The following USH2A variants were observed in gnomAD, a reference collection of about 807,000 sequenced individuals.
USH2A encodes Usher syndrome 2A (autosomal recessive, mild).
USH2A carries 443 observed loss-of-function variants against 538.9 expected under a neutral mutation model. The ratio of observed to expected loss-of-function variants is 0.82; its 90% CI spans 0.76 to 0.89. The LOEUF (loss-of-function observed/expected upper bound fraction) is 0.89, where lower values mean the gene tolerates loss of function less well. USH2A is among the 40% of genes least tolerant of loss of function. USH2A has a pLI of 0.00. For synonymous variants in USH2A, 2,413 were observed against 2,273.5 expected, an observed-to-expected ratio of 1.06 and a Z score of -1.75; for missense variants, 6,633 against 6,324.8, an observed-to-expected ratio of 1.05 and a Z score of -1.65.
intron 30 of USH2A, among the ~76,000 whole-genome samples, chr1:216,066,388 C>T (rs2031370874): frequency 6.6e-6 from 1 of 152,060 alleles, no homozygotes; most frequent in Non-Finnish European, 1.5e-5. Flanking sequence ...ATGGCGTAAA[C>T]CTGGGAGGCG....
intron 21 of USH2A, among the ~76,000 whole-genome samples, chr1:216,154,949 TG>T (rs1027698718): frequency 4.2e-4 from 27 of 64,726 alleles, no homozygotes; most frequent in Admixed American, 7.5e-4. Flanking sequence ...ATAGCTGGGG[TG>T]GGGGTGGGTA....
At chr1:215,876,554 A>G (rs1279722526) in intron 43 of USH2A, among the ~76,000 whole-genome samples, 1 of 152,212 alleles carries the variant, frequency 6.6e-6, no homozygotes, top group African/African-American at 2.4e-5. Context: ...AACTGAAGAC[A>G]GAGTCACGAA....
In USH2A at chr1:215,758,769, A is replaced by C; in HGVS notation, c.11232-17T>G. The C allele has an allele frequency of 6.2e-7, 1 of 1,612,984 alleles. No homozygotes were observed. Among genetic ancestry groups the C allele is most frequent in the Non-Finnish European group, 8.5e-7 (1 of 1,179,552 alleles). On this transcript the variant is annotated splice_polypyrimidine_tract_variant and intron_variant, in intron 57 of 71. Coordinates refer to ENST00000307340, the MANE Select transcript of USH2A (RefSeq NM_206933.4). ...TAAGTGTATCTATATTTAAAAAGAA[A>C]GAAGAATTGTGGTAAGGCCATGCAC...
At chr1:215,936,804 C>G (rs1666511140) in intron 37 of USH2A, among the ~76,000 whole-genome samples, 3 of 152,024 alleles carry the variant, frequency 2.0e-5, no homozygotes, top group Admixed American at 2.0e-4. Context: ...CAGCACTAAT[C>G]TCATCCATTA....
At position 215,991,342 on chromosome 1, in the gene USH2A, G is replaced by T. The variant is rs532500244; in HGVS notation, c.6805+1678C>A. 2.4e-4 allele frequency among the ~76,000 whole-genome samples: 37 copies of T among 152,264 alleles called. 1 individual carries two copies. In the South Asian group the frequency reaches 6.8e-3, roughly 28 times the overall value. ...TTATTCTTTGGGTATTTGAGGAGAG[G>T]TGTGGGGACTTCGAAGACAGATGGA... On this transcript the variant is annotated intron_variant, in intron 35 of 71. Coordinates refer to ENST00000307340, the MANE Select transcript of USH2A (RefSeq NM_206933.4).
chr1:216,050,722 A>G (rs2030750019), intron 30 of USH2A, among the ~76,000 whole-genome samples: 1 of 148,992 alleles, frequency 6.7e-6, no homozygotes, highest in Admixed American at 6.7e-5. Flanking sequence ...CTCCTGCCTC[A>G]GCCTCCACAG....
Position 216,422,436 on chromosome 1 carries a change from G to A in USH2A, c.-100C>T, listed in dbSNP as rs1379523582. 1.3e-6 allele frequency: 2 copies of A among 1,536,490 alleles called. No homozygotes were observed. Among genetic ancestry groups the A allele is most frequent in the African/African-American group, 1.4e-5 (1 of 72,720 alleles). ...TACTTTGAAGCAGGGTACTTTAAGTGATGTTGCGATACTCCATTTTCTGGA... is the reference window on the plus strand; with the variant it reads ...TACTTTGAAGCAGGGTACTTTAAGTAATGTTGCGATACTCCATTTTCTGGA... On this transcript the variant is annotated 5_prime_UTR_variant, in exon 2 of 72. Transcript: ENST00000307340.
At chr1:216,043,833 C>G (rs2030400954) in intron 32 of USH2A, among the ~76,000 whole-genome samples, 1 of 152,074 alleles carries the variant, frequency 6.6e-6, no homozygotes. Flanking sequence ...TGCACCACTT[C>G]CCTGTGGACT....
rs71161422 is a variant in USH2A, at chr1:216,400,216, T to TTA, written c.651+18296_651+18297dup. On this transcript the variant is annotated intron_variant, in intron 3 of 71. Transcript: ENST00000307340. ...AGAAACCCCAGCATAGAAATAGAAG[T>TTA]TATATATATATATATATATATAAAA... is the stretch of plus-strand genomic sequence containing the variant. Among the ~76,000 whole-genome samples, 1,319 of 147,292 alleles carry TTA rather than the reference T, an allele frequency of 9.0e-3. 11 individuals carry two copies. The highest frequency in any genetic ancestry group is 0.018 in the Middle Eastern group (5 of 280).
intron 70 of USH2A, among the ~76,000 whole-genome samples, chr1:215,629,776 T>TTC (rs1553248340): frequency 1.1e-4 from 16 of 145,956 alleles, no homozygotes; most frequent in African/African-American, 3.8e-4. Flanking sequence ...TTCTTTTCTT[T>TTC]TTTTTTTTTT....
chr1:215,760,105 T>G lies in USH2A; in HGVS notation c.11048-262A>C, dbSNP rs113679327. ...GCCTTGGTTGTCACTCTGAGAGTATTTTAAATCAAGGCCTGAGAGATCATC... is the reference window on the plus strand; with the variant it reads ...GCCTTGGTTGTCACTCTGAGAGTATGTTAAATCAAGGCCTGAGAGATCATC... On this transcript the variant is annotated intron_variant, in intron 56 of 71. Transcript: ENST00000307340. 2.9e-3 allele frequency among the ~76,000 whole-genome samples: 446 copies of G among 152,326 alleles called. 1 individual carries two copies. The highest frequency in any genetic ancestry group is 0.01 in the African/African-American group (436 of 41,578).
intron 60 of USH2A, among the ~76,000 whole-genome samples, chr1:215,736,492 TAAGA>T (rs1424537450): frequency 6.6e-6 from 1 of 152,120 alleles, no homozygotes; most frequent in African/African-American, 2.4e-5. Context: ...TAGCATTTTT[TAAGA>T]AAATGAATTC....
At chr1:216,148,234 C>G (rs1572000197) in intron 21 of USH2A, among the ~76,000 whole-genome samples, 4 of 151,774 alleles carry the variant, frequency 2.6e-5, no homozygotes, top group East Asian at 3.9e-4. Context: ...CTCCCCAACT[C>G]TGGTGCCAAC....
chr1:216,334,251 C>G (rs2102669013), intron 4 of USH2A, among the ~76,000 whole-genome samples: 1 of 151,982 alleles, frequency 6.6e-6, no homozygotes. Context: ...TTTGCATACT[C>G]TTAAAATTAA....
chr1:215,808,276 T>C (rs945718708), intron 49 of USH2A, among the ~76,000 whole-genome samples: 4 of 152,110 alleles, frequency 2.6e-5, no homozygotes, highest in African/African-American at 9.7e-5. Context: ...AAAAATATAT[T>C]AAGTCACTCA....
At position 215,931,207 on chromosome 1, in the gene USH2A, T is replaced by G. The variant is rs1053859963; in HGVS notation, c.7300+3409A>C. Among the ~76,000 whole-genome samples the G allele has an allele frequency of 9.9e-5, 15 of 152,044 alleles. No individual in the cohort carries two copies. The East Asian group carries it at 2.5e-3, about 25-fold the overall frequency. ...GTTATTAGTAGCACCATCTTCTTAC[T>G]TTAATTTCTATCTTCAAATAACTTG... On this transcript the variant is annotated intron_variant, in intron 38 of 71. Coordinates refer to ENST00000307340, the MANE Select transcript of USH2A (RefSeq NM_206933.4).
At chr1:216,273,226 GA>G (rs1177709186) in intron 11 of USH2A, among the ~76,000 whole-genome samples, 8 of 152,046 alleles carry the variant, frequency 5.3e-5, no homozygotes, top group Non-Finnish European at 8.8e-5. Flanking sequence ...GAGCCAATTT[GA>G]AAATGGGCGA....
Position 216,046,535 on chromosome 1 carries a change from G to A in USH2A, c.6221C>T (p.Ser2074Phe). The A allele has an allele frequency of 6.2e-7, 1 of 1,613,858 alleles. No individual in the cohort carries two copies. The highest frequency in any genetic ancestry group is 1.1e-5 in the South Asian group (1 of 91,078). Residue 2074 changes from serine to phenylalanine, a missense_variant, in exon 32 of 72, where the codon TCC becomes TTC. Physicochemically the swap from Ser to Phe is radical, Grantham distance 155. Transcript: ENST00000307340. ...ATTTGCCTTTTTGGGTGGGTTCCAG[G>A]AGAGCAGCAAAGAACTGGGAAGGGA... ...AKSLPSSLLL[S>F]WNPPKKANGI...
chr1:216,363,689 T>C (rs1200728441), intron 4 of USH2A, among the ~76,000 whole-genome samples: 1 of 151,956 alleles, frequency 6.6e-6, no homozygotes, highest in African/African-American at 2.4e-5. Context: ...AACCTAAATG[T>C]TCATTATAGG....
Sources: allele counts gnomAD v4.1 joint callset (sites outside exome capture counted in the v4.1 genomes callset), GRCh38; gene constraint gnomAD v4.1.1; transcripts MANE v1.5; gene names NCBI Gene and HGNC (gene_info 2026-07-23, HGNC 2026-07-21).